The following TMEM117 variants were observed in gnomAD, a reference collection of about 807,000 sequenced individuals.
TMEM117 encodes the protein transmembrane protein 117.
TMEM117 carries 27 observed loss-of-function variants against 52.4 expected under a neutral mutation model. The ratio of observed to expected loss-of-function variants is 0.51; its 90% CI spans 0.38 to 0.71. The LOEUF (loss-of-function observed/expected upper bound fraction) is 0.71, where lower values mean the gene tolerates loss of function less well. Ranked by LOEUF, TMEM117 falls within the 30% of genes least tolerant of loss-of-function variation. The pLI is 0.00. For missense variants in TMEM117, 556 were observed against 630.5 expected (o/e 0.88, Z 1.26); for synonymous variants, 215 against 206.3 (o/e 1.04, Z -0.36).
At chr12:44,172,527 G>A (rs1438416931) in intron 4 of TMEM117, among the ~76,000 whole-genome samples, 1 of 152,080 alleles carries the variant, frequency 6.6e-6, no homozygotes, top group Non-Finnish European at 1.5e-5. Flanking sequence ...ATTGGATTAA[G>A]GGCTCACCTA....
chr12:44,367,578 C>T (rs1207855561), intron 6 of TMEM117, among the ~76,000 whole-genome samples: 1 of 152,026 alleles, frequency 6.6e-6, no homozygotes, highest in African/African-American at 2.4e-5. Flanking sequence ...TTTCTATGCT[C>T]CCTTTCTAAA....
intron 3 of TMEM117, among the ~76,000 whole-genome samples, chr12:44,099,612 A>G (rs890589503): frequency 3.9e-5 from 6 of 152,142 alleles, no homozygotes; most frequent in Non-Finnish European, 7.4e-5. Flanking sequence ...TAAAGTGATA[A>G]AACTAGAGAT....
the TMEM117 span, among the ~76,000 whole-genome samples, chr12:43,820,183 C>T: frequency 6.6e-6 from 1 of 152,086 alleles, no homozygotes; most frequent in Non-Finnish European, 1.5e-5. Context: ...CTGCAACCTC[C>T]GCCTCTCCGG....
At chr12:44,289,299 G>A (rs1355257115) in intron 5 of TMEM117, among the ~76,000 whole-genome samples, 1 of 150,454 alleles carries the variant, frequency 6.6e-6, no homozygotes, top group African/African-American at 2.4e-5. Flanking sequence ...CCATTAATAG[G>A]TACTTAGGTT....
chr12:43,806,528 G>A, the TMEM117 span, among the ~76,000 whole-genome samples: 6 of 152,088 alleles, frequency 3.9e-5, no homozygotes, highest in African/African-American at 1.4e-4. Context: ...CTTCCGGGGG[G>A]GACATGCCGC....
At chr12:43,866,238 G>C (rs1057486) in intron 2 of TMEM117, among the ~76,000 whole-genome samples, 105,797 of 151,534 alleles carry the variant, frequency 0.7, 41,325 homozygotes, top group East Asian at 0.87. Context: ...AGGGAGGCCA[G>C]AAGATATCTT....
chr12:44,083,243 A>G (rs1331900461), intron 3 of TMEM117, among the ~76,000 whole-genome samples: 1 of 152,116 alleles, frequency 6.6e-6, no homozygotes, highest in Non-Finnish European at 1.5e-5. Context: ...TGGATATTGA[A>G]CATTTATGTT....
At chr12:44,090,931 T>C (rs17121305) in intron 3 of TMEM117, among the ~76,000 whole-genome samples, 18,598 of 149,538 alleles carry the variant, frequency 0.12, 1,375 homozygotes, top group Middle Eastern at 0.21. Flanking sequence ...ATTACCTCTC[T>C]ATGTTAAGGT....
intron 6 of TMEM117, among the ~76,000 whole-genome samples, chr12:44,367,318 C>G (rs1951802449): frequency 6.6e-6 from 1 of 152,090 alleles, no homozygotes; most frequent in Admixed American, 6.6e-5. Flanking sequence ...TTATCAATAT[C>G]AACAACCCCC....
At chr12:43,835,356 G>C (rs1020623777), upstream of TMEM117, among the ~76,000 whole-genome samples, 2 of 152,166 alleles carry the variant, frequency 1.3e-5, no homozygotes, top group African/African-American at 4.8e-5. Flanking sequence ...TTGTACATGA[G>C]TATGTGTGCT....
At chr12:43,924,322 G>A (rs1224361580) in intron 2 of TMEM117, among the ~76,000 whole-genome samples, 6 of 152,026 alleles carry the variant, frequency 3.9e-5, no homozygotes, top group South Asian at 2.1e-4. Flanking sequence ...CATTGTTTGC[G>A]TAGACACTGG....
At chr12:43,823,734 G>T in the TMEM117 span, among the ~76,000 whole-genome samples, 2 of 151,748 alleles carry the variant, frequency 1.3e-5, no homozygotes, top group Non-Finnish European at 2.9e-5. Context: ...GGATGGTCTC[G>T]ATCTGTTGAC....
chr12:44,035,423 T>C (rs2137880892), intron 3 of TMEM117, among the ~76,000 whole-genome samples: 1 of 152,328 alleles, frequency 6.6e-6, no homozygotes, highest in Admixed American at 6.5e-5. Flanking sequence ...ATGAATAAAA[T>C]ACATTTCCTT....
chr12:44,364,140 C>T (rs924926243), intron 6 of TMEM117, among the ~76,000 whole-genome samples: 1 of 152,154 alleles, frequency 6.6e-6, no homozygotes, highest in African/African-American at 2.4e-5. Flanking sequence ...AATAATTTCA[C>T]ATTTACCTAT....
At position 43,904,037 on chromosome 12, in the gene TMEM117, G is replaced by GT. The variant is rs1349772337; in HGVS notation, c.278-40172dup. ...GTATTGTGTTATAAGTGAATGCCTGGTCATTTTGCCAGATGGTATCATTTA... is the reference window on the plus strand; with the variant it reads ...GTATTGTGTTATAAGTGAATGCCTGGTTCATTTTGCCAGATGGTATCATTTA... On this transcript the variant is annotated intron_variant, in intron 2 of 7. Transcript: ENST00000266534. Among the ~76,000 whole-genome samples, 4 of 152,148 alleles carry GT rather than the reference G, an allele frequency of 2.6e-5. No individual in the cohort carries two copies. The East Asian group carries it at 5.8e-4, about 22-fold the overall frequency.
the TMEM117 span, among the ~76,000 whole-genome samples, chr12:43,803,302 T>C: frequency 6.6e-6 from 1 of 152,138 alleles, no homozygotes; most frequent in African/African-American, 2.4e-5. Flanking sequence ...AAAAACAGAC[T>C]GCACAAGTAT....
chr12:44,137,703 AC>A (rs1948511751), intron 3 of TMEM117, among the ~76,000 whole-genome samples: 1 of 152,070 alleles, frequency 6.6e-6, no homozygotes, highest in Non-Finnish European at 1.5e-5. Flanking sequence ...TCTATTTAAA[AC>A]CATCAGATCT....
intron 5 of TMEM117, among the ~76,000 whole-genome samples, chr12:44,239,613 A>G (rs1367434823): frequency 6.6e-6 from 1 of 152,106 alleles, no homozygotes; most frequent in Non-Finnish European, 1.5e-5. Context: ...AGAGGTATCA[A>G]ATTTACCAGA....
chr12:44,297,742 G>T (rs972607037), intron 5 of TMEM117, among the ~76,000 whole-genome samples: 2 of 152,186 alleles, frequency 1.3e-5, no homozygotes, highest in Non-Finnish European at 2.9e-5. Flanking sequence ...TTCATTCAGA[G>T]TTGTTTGAGG....
Sources: allele counts gnomAD v4.1 joint callset (sites outside exome capture counted in the v4.1 genomes callset), GRCh38; gene constraint gnomAD v4.1.1; transcripts MANE v1.5; gene names NCBI Gene and HGNC (gene_info 2026-07-23, HGNC 2026-07-21).